Variants in SEC16A observed in about 807,000 individuals in gnomAD.
The protein encoded by SEC16A is SEC16 homolog A, endoplasmic reticulum export factor.
SEC16A carries 110 observed loss-of-function variants against 221.9 expected under a neutral mutation model. That is an observed-to-expected ratio of 0.50 (90% confidence interval 0.42 to 0.58). The LOEUF (loss-of-function observed/expected upper bound fraction) is 0.58, where lower values mean the gene tolerates loss of function less well. Ranked by LOEUF, SEC16A falls within the 20% of genes least tolerant of loss-of-function variation. The pLI, the probability that SEC16A is intolerant of heterozygous loss-of-function variation, is 0.00. For missense variants in SEC16A, 3,165 were observed against 3,097.8 expected (o/e 1.02, Z -0.52); for synonymous variants, 1,393 against 1,257.7 (o/e 1.11, Z -2.28).
rs370451169 is a variant in SEC16A at position 136,474,958 on chromosome 9, A to C, written c.2658T>G (p.Ser886=). 8 of 1,613,846 alleles carry C rather than the reference A, an allele frequency of 5.0e-6. No homozygotes were observed. In the South Asian group the frequency reaches 8.8e-5, roughly 18 times the overall value. Residue 886 remains serine (S), a synonymous_variant, in exon 3 of 32, where the codon TCT becomes TCG. Coordinates refer to ENST00000684901, the MANE Select transcript of SEC16A (RefSeq NM_014866.2). ...GGDSGENTSL[S]GIPTSSVLSL... ...TAAGGACAGAGCTGGTTGGAATCCCAGACAAAGAAGTGTTCTCCCCAGAAT... is the reference window on the plus strand; with the variant it reads ...TAAGGACAGAGCTGGTTGGAATCCCCGACAAAGAAGTGTTCTCCCCAGAAT...
In SEC16A at chr9:136,476,683, G is replaced by A. The variant is rs1231828721; in HGVS notation, c.933C>T (p.His311=). The A allele has an allele frequency of 6.4e-7, 1 of 1,571,432 alleles. No individual in the cohort carries two copies. Residue 311 remains histidine, a synonymous_variant, in exon 3 of 32, where the codon CAC becomes CAT. Coordinates refer to ENST00000684901, the MANE Select transcript of SEC16A (RefSeq NM_014866.2). The part of the protein sequence containing the change: ...TFRQNPRIVN[H]WASPELRQNP... ...TCTGCCTGAGCTCTGGGCTTGCCCAGTGATTCACAATTCTGGGATTTTGCC... is the reference window on the plus strand; with the variant it reads ...TCTGCCTGAGCTCTGGGCTTGCCCAATGATTCACAATTCTGGGATTTTGCC...
At position 136,456,134 on chromosome 9, in the gene SEC16A, C is replaced by A; in HGVS notation, c.5583G>T (p.Gln1861His). The A allele has an allele frequency of 6.2e-7, 1 of 1,612,518 alleles. No individual in the cohort carries two copies. Among genetic ancestry groups the A allele is most frequent in the Non-Finnish European group, 8.5e-7 (1 of 1,179,816 alleles). Residue 1861 changes from glutamine to histidine, a missense_variant, in exon 19 of 32, where the codon CAG (glutamine) becomes CAT (histidine). Transcript: ENST00000684901. ...ACTCCTCTTCTGGCTTCTCTTTCAG[C>A]TGGGGATCGAAGAGTCGTAACTGGG... The part of the protein sequence containing the change: ...MASQLRLFDP[Q>H]LKEKPEEESL...
chr9:136,451,114 C>A, intron 23 of SEC16A, 142 bp downstream of exon 23: 1 of 816,468 alleles, frequency 1.2e-6, no homozygotes. Flanking sequence ...ACCCATCATG[C>A]CGTGTGCACT....
intron 31 of SEC16A, 48 bp downstream of exon 31, chr9:136,443,775 G>A (rs375409680): frequency 6.0e-5 from 85 of 1,422,258 alleles, no homozygotes; most frequent in Admixed American, 8.8e-5. Context: ...GGGTCAGGTC[G>A]TCAGTGGGCG....
rs1314059162 is a variant in SEC16A, at chr9:136,459,400, T to C, written c.5303+44A>G. 1 of 1,503,796 alleles carries C rather than the reference T, an allele frequency of 6.6e-7. No individual in the cohort carries two copies. Among genetic ancestry groups the C allele is most frequent in the Non-Finnish European group, 9.1e-7 (1 of 1,102,840 alleles). 93.2% of individuals were successfully genotyped at this position (1,503,796 alleles called of 1,614,324 possible). On this transcript the variant is annotated intron_variant, in intron 16 of 31. Coordinates refer to ENST00000684901, the MANE Select transcript of SEC16A (RefSeq NM_014866.2). The surrounding 1 kb of genome is among the most constrained non-coding windows in gnomAD (Gnocchi z 6.1). The stretch of plus-strand genomic sequence containing the variant: ...CTAAAGGAGAAGGATTTTGTTTTAC[T>C]TTGAAAGGAAAACTTACAGGACTAC...
chr9:136,446,544 T>C (rs931888581), intron 28 of SEC16A, among the ~76,000 whole-genome samples: 1 of 152,194 alleles, frequency 6.6e-6, no homozygotes, highest in Non-Finnish European at 1.5e-5. Flanking sequence ...TTTTCCAATT[T>C]TAAAAATTGT....
In SEC16A at chr9:136,447,822, A is replaced by G. The variant is rs1013385210; in HGVS notation, c.6447+31T>C. 1.2e-6 allele frequency: 2 copies of G among 1,600,200 alleles called. No homozygotes were observed. The highest frequency in any genetic ancestry group is 2.7e-5 in the African/African-American group (2 of 74,826). ...AGGCTGTTCCCTCCACTCACACCTCACACCCAACAGGAACTAGAATGACAA... is the reference window on the plus strand; with the variant it reads ...AGGCTGTTCCCTCCACTCACACCTCGCACCCAACAGGAACTAGAATGACAA... On this transcript the variant is annotated intron_variant, in intron 25 of 31. Coordinates refer to ENST00000684901, the MANE Select transcript of SEC16A (RefSeq NM_014866.2). The surrounding 1 kb of genome is among the most constrained non-coding windows in gnomAD (Gnocchi z 5.5).
chr9:136,443,678 A>T (rs1836523988), intron 31 of SEC16A, 145 bp downstream of exon 31: 1 of 593,536 alleles, frequency 1.7e-6, no homozygotes, highest in African/African-American at 1.9e-5. Context: ...ACAGAGCAAG[A>T]CCCTGTCTCA....
intron 2 of SEC16A, among the ~76,000 whole-genome samples, chr9:136,478,232 G>A (rs1037024232): frequency 1.1e-4 from 17 of 152,054 alleles, no homozygotes; most frequent in Non-Finnish European, 1.5e-4. Flanking sequence ...GGGGGATCTC[G>A]TTTCTACAAA....
Position 136,477,085 on chromosome 9 carries a change from C to A in SEC16A, c.531G>T (p.Gly177=). ...PETSHGGHPH[G]NMPGLDRPLS... ...GGGGTCGGTCGAGCCCAGGCATGTT[C>A]CCATGAGGGTGGCCCCCATGAGACG... Residue 177 remains glycine, a synonymous_variant, in exon 3 of 32, where the codon GGG becomes GGT. Transcript: ENST00000684901. The A allele has an allele frequency of 1.2e-6, 2 of 1,613,842 alleles. No homozygotes were observed. The highest frequency in any genetic ancestry group is 1.7e-6 in the Non-Finnish European group (2 of 1,179,878).
rs999382279 is a variant in SEC16A, at chr9:136,459,066, G to C, written c.5409+68C>G. On this transcript the variant is annotated intron_variant, in intron 17 of 31. Coordinates refer to ENST00000684901, the MANE Select transcript of SEC16A (RefSeq NM_014866.2). This position sits in a 1 kb window ranked among gnomAD's most constrained non-coding sequence, Gnocchi z 6.1. ...GATACCAATTCAAACAATCTAAGTA[G>C]CCAAAAGCTTGTTAGCACTGAGTGC... 2.6e-6 allele frequency: 3 copies of C among 1,146,912 alleles called. No individual in the cohort carries two copies. In the African/African-American group the frequency reaches 4.7e-5, roughly 18 times the overall value. 71.0% of individuals were successfully genotyped at this position (1,146,912 alleles called of 1,614,324 possible). A position where few individuals can be genotyped will look rare whatever the true frequency, so the allele number is the denominator to read the frequency against.
chr9:136,477,511 A>G lies in SEC16A; in HGVS notation c.105T>C (p.Ala35=), dbSNP rs1282558810. Residue 35 remains alanine, a synonymous_variant, in exon 3 of 32, where the codon GCT becomes GCC. Transcript: ENST00000684901. The stretch of plus-strand genomic sequence containing the variant: ...TCGGAGCCACTGCTGCATTATTATT[A>G]GCCCGTCTCCTGTAAGGGCTGCTAG... ...FWASSPYRRR[A]NNNAAVAPTT... is the part of the protein sequence containing the mutation. 2 of 1,613,876 alleles carry G rather than the reference A, an allele frequency of 1.2e-6. No homozygotes were observed. The highest frequency in any genetic ancestry group is 1.7e-6 in the Non-Finnish European group (2 of 1,179,878).
At chr9:136,451,193 G>A in intron 23 of SEC16A, 63 bp downstream of exon 23, 1 of 1,533,954 alleles carries the variant, frequency 6.5e-7, no homozygotes, top group Non-Finnish European at 8.9e-7. Flanking sequence ...TGGCGCTCTG[G>A]GAAGCGTGCC....
At chr9:136,442,442 C>T (rs1159370880) in intron 31 of SEC16A, among the ~76,000 whole-genome samples, 2 of 152,230 alleles carry the variant, frequency 1.3e-5, no homozygotes, top group African/African-American at 2.4e-5. Flanking sequence ...AGGAAGCCTG[C>T]AGTCAAGAGT....
intron 1 of SEC16A, among the ~76,000 whole-genome samples, chr9:136,480,830 C>T (rs1356879295): frequency 6.6e-6 from 1 of 151,804 alleles, no homozygotes; most frequent in Admixed American, 6.6e-5. Context: ...GCGGAGCTTG[C>T]AGTGAGCTGA....
In SEC16A at chr9:136,448,124, T is replaced by C. The variant is rs1444221239; in HGVS notation, c.6350A>G (p.Lys2117Arg). ...ATCTGGCAAATAAGCTTCTGTCTTT[T>C]TCTTTCCAGGTAGCCAACGAAAGAA... is the stretch of plus-strand genomic sequence containing the variant. ...SWFFRWLPGK[K>R]KTEAYLPDDK... The change falls in exon 24 of 32, where the codon AAA (lysine) becomes AGA (arginine). Residue 2117 changes from lysine to arginine, a missense_variant. Physicochemically the swap from Lys to Arg is conservative, Grantham distance 26. This residue lies in a region of SEC16A where 1,088 missense variants were observed against 1,089.6 expected (regional missense o/e 1.00). Coordinates refer to ENST00000684901, the MANE Select transcript of SEC16A (RefSeq NM_014866.2). 3.1e-6 allele frequency: 5 copies of C among 1,613,604 alleles called. No homozygotes were observed. The highest frequency in any genetic ancestry group is 4.2e-6 in the Non-Finnish European group (5 of 1,179,808).
intron 30 of SEC16A, 78 bp from the exon 31 acceptor site, chr9:136,443,978 G>A (rs994296396): frequency 5.2e-6 from 5 of 959,262 alleles, no homozygotes; most frequent in South Asian, 3.3e-5. Context: ...TACAGACACC[G>A]CTTCTGGGTG....
At chr9:136,483,079 C>A (rs1276755112), upstream of SEC16A, 2 of 946,266 alleles carry the variant, frequency 2.1e-6, no homozygotes, top group Non-Finnish European at 2.5e-6. Context: ...CCGACGTGTC[C>A]GGCTTACGAC....
intron 22 of SEC16A, 113 bp downstream of exon 22, chr9:136,453,315 G>C: frequency 1.4e-6 from 1 of 733,016 alleles, no homozygotes; most frequent in Non-Finnish European, 2.3e-6. Context: ...AACAATTTTA[G>C]AAACAATTTC....
Sources: allele counts gnomAD v4.1 joint callset (sites outside exome capture counted in the v4.1 genomes callset), GRCh38; gene constraint gnomAD v4.1.1; regional missense constraint gnomAD v4.1.1; non-coding constraint Gnocchi (gnomAD v3.1); transcripts MANE v1.5; gene names NCBI Gene and HGNC (gene_info 2026-07-23, HGNC 2026-07-21).